The following SPIRE1 variants were observed in gnomAD, a reference collection of about 807,000 sequenced individuals.
The protein encoded by SPIRE1 is protein spire homolog 1.
Under a neutral mutation model 94.1 loss-of-function variants are expected in SPIRE1, and 40 were observed. The ratio of observed to expected loss-of-function variants is 0.43; its 90% CI spans 0.33 to 0.55. The LOEUF (loss-of-function observed/expected upper bound fraction) is 0.55, where lower values mean the gene tolerates loss of function less well. SPIRE1 is among the 20% of genes least tolerant of loss of function. The probability of loss-of-function intolerance (pLI) is 0.06; values close to 1 mark genes in which losing one functional copy is unlikely to be tolerated. For missense variants in SPIRE1, 838 were observed against 975.2 expected (o/e 0.86, Z 1.87); for synonymous variants, 376 against 371.7 (o/e 1.01, Z -0.13).
intron 8 of SPIRE1, among the ~76,000 whole-genome samples, chr18:12,491,028 C>T (rs2033215007): frequency 2.6e-5 from 4 of 151,930 alleles, no homozygotes; most frequent in Admixed American, 2.6e-4. Flanking sequence ...ATAGAAAACT[C>T]CATAAAAATT....
At chr18:12,461,888 C>T (rs1204939081) in intron 12 of SPIRE1, among the ~76,000 whole-genome samples, 1 of 152,208 alleles carries the variant, frequency 6.6e-6, no homozygotes, top group Non-Finnish European at 1.5e-5. Flanking sequence ...CTCCTTTGGC[C>T]TCCCAAAGTG....
intron 4 of SPIRE1, among the ~76,000 whole-genome samples, chr18:12,533,447 A>C (rs763493106): frequency 6.6e-6 from 1 of 152,268 alleles, no homozygotes; most frequent in African/African-American, 2.4e-5. Flanking sequence ...ATGTGCTGAC[A>C]TAACAAGGTT....
At chr18:12,660,782 T>C (rs1360880150), upstream of SPIRE1, among the ~76,000 whole-genome samples, 1 of 152,134 alleles carries the variant, frequency 6.6e-6, no homozygotes, top group African/African-American at 2.4e-5. Context: ...AAGTAACAAT[T>C]CATGGTATGA....
At chr18:12,496,756 C>T (rs1018384913) in intron 6 of SPIRE1, among the ~76,000 whole-genome samples, 3 of 152,126 alleles carry the variant, frequency 2.0e-5, no homozygotes, top group African/African-American at 7.2e-5. Flanking sequence ...GTAGTCCCAG[C>T]TACTCAGGAG....
At chr18:12,473,339 CA>C (rs2032436753) in intron 10 of SPIRE1, among the ~76,000 whole-genome samples, 1 of 151,670 alleles carries the variant, frequency 6.6e-6, no homozygotes, top group Admixed American at 6.6e-5. Flanking sequence ...GAAACAAAAG[CA>C]AAAATATAAC....
intron 4 of SPIRE1, among the ~76,000 whole-genome samples, chr18:12,525,269 T>A (rs1465447182): frequency 2.2e-5 from 2 of 90,150 alleles, no homozygotes; most frequent in Non-Finnish European, 3.9e-5. Flanking sequence ...AGAGTGAGAC[T>A]CCGTCTCAAA....
At chr18:12,463,304 T>C in intron 12 of SPIRE1, 47 bp downstream of exon 12, 1 of 1,495,888 alleles carries the variant, frequency 6.7e-7, no homozygotes. Context: ...TGATTCTATG[T>C]CTTCTAGCTG....
chr18:12,512,486 T>C lies in SPIRE1; in HGVS notation c.775A>G (p.Thr259Ala), dbSNP rs1400455999. 1.9e-6 allele frequency: 3 copies of C among 1,613,026 alleles called. No individual in the cohort carries two copies. The highest frequency in any genetic ancestry group is 1.3e-5 in the African/African-American group (1 of 74,900). ...QEMEKSDESS[T>A]DLEELKNADW... is the part of the protein sequence containing the mutation. ...GCGTTTTTCAGCTCTTCCAAGTCTG[T>C]GCTAGATTCATCGCTCTTTTCCATT... The change falls in exon 5 of 17, where the codon ACA (threonine) becomes GCA (alanine). Residue 259 changes from threonine to alanine, a missense_variant. This residue lies in a region of SPIRE1 where 645 missense variants were observed against 804.7 expected (regional missense o/e 0.80). Transcript: ENST00000409402.
At chr18:12,569,167 T>C (rs557056072) in intron 2 of SPIRE1, among the ~76,000 whole-genome samples, 70 of 152,060 alleles carry the variant, frequency 4.6e-4, no homozygotes, top group East Asian at 1.9e-3. Context: ...GGTGAAACCC[T>C]GTCTCTACTA....
In SPIRE1 at chr18:12,546,754, C is replaced by T; in HGVS notation, c.523G>A (p.Glu175Lys). The T allele has an allele frequency of 2.5e-6, 4 of 1,614,190 alleles. No individual in the cohort carries two copies. The highest frequency in any genetic ancestry group is 2.2e-5 in the East Asian group (1 of 44,888). The change falls in exon 3 of 17, where the codon GAG (glutamate) becomes AAG (lysine). Residue 175 changes from glutamate to lysine, a missense_variant. Transcript: ENST00000409402. The stretch of plus-strand genomic sequence containing the variant: ...TCTCCCAGGCCTTCTTCTGCAGCCT[C>T]ATAGCCCTCATCATTGCTACCGTCA... ...EADGSNDEGY[E>K]AAEEGLGDED...
intron 2 of SPIRE1, among the ~76,000 whole-genome samples, chr18:12,581,625 A>G (rs950943407): frequency 6.6e-6 from 1 of 152,164 alleles, no homozygotes; most frequent in Non-Finnish European, 1.5e-5. Context: ...GCATTCTGGG[A>G]GGTCAAGGCG....
chr18:12,657,745 C>A lies in SPIRE1; in HGVS notation c.122G>T (p.Ser41Ile). ...GAAGGSRDAL[S>I]LEEILRLYNQ... ...GTACAGCCGCAGGATCTCCTCCAGG[C>A]TCAGCGCGTCCCGGGAGCCCCCGGC... Residue 41 changes from serine (S) to isoleucine (I), a missense_variant, in exon 1 of 17, where the codon AGC becomes ATC. Physicochemically the swap from Ser to Ile is moderately radical, Grantham distance 142. Coordinates refer to ENST00000409402, the MANE Select transcript of SPIRE1 (RefSeq NM_001128626.2). The A allele has an allele frequency of 7.3e-7, 1 of 1,372,810 alleles. No individual in the cohort carries two copies. The highest frequency in any genetic ancestry group is 9.5e-7 in the Non-Finnish European group (1 of 1,053,328). The allele number at this position is 1,372,810 out of a possible 1,614,324, so 85.0% of individuals were successfully genotyped here. A position where few individuals can be genotyped will look rare whatever the true frequency, so the allele number is the denominator to read the frequency against.
At chr18:12,543,312 T>C (rs2035062472) in intron 3 of SPIRE1, among the ~76,000 whole-genome samples, 1 of 152,202 alleles carries the variant, frequency 6.6e-6, no homozygotes, top group South Asian at 2.1e-4. Flanking sequence ...CAAAAAAAGA[T>C]CTCACTGTGT....
intron 4 of SPIRE1, among the ~76,000 whole-genome samples, chr18:12,533,054 A>G (rs2034731958): frequency 6.6e-6 from 1 of 152,236 alleles, no homozygotes; most frequent in Non-Finnish European, 1.5e-5. Context: ...GTGTTGTCAG[A>G]AGAGCCTGAG....
At chr18:12,601,251 C>G (rs999044610) in intron 2 of SPIRE1, among the ~76,000 whole-genome samples, 6 of 136,742 alleles carry the variant, frequency 4.4e-5, no homozygotes, top group African/African-American at 1.3e-4. Flanking sequence ...CCATCTCTAC[C>G]AAAAAAAAAA....
chr18:12,478,297 T>C (rs2143743612), intron 10 of SPIRE1, among the ~76,000 whole-genome samples: 1 of 151,294 alleles, frequency 6.6e-6, no homozygotes, highest in Admixed American at 6.6e-5. Context: ...GGTGTGAAGC[T>C]GGGGTGTGTA....
Position 12,496,067 on chromosome 18 carries a change from A to G in SPIRE1, c.1008T>C (p.Ser336=), listed in dbSNP as rs1305766901. Reference sequence around the variant, plus strand: ...TGAAGTCGAGGATGATTTCATGAGCACTCTTTTTTAACCGAGGGGGAATAT... The same window carrying G: ...TGAAGTCGAGGATGATTTCATGAGCGCTCTTTTTTAACCGAGGGGGAATAT... ...NGDIPPRLKK[S]AHEIILDFIR... The change falls in exon 7 of 17, where the codon AGT becomes AGC. Residue 336 remains serine (S), a synonymous_variant. Coordinates refer to ENST00000409402, the MANE Select transcript of SPIRE1 (RefSeq NM_001128626.2). 1.9e-6 allele frequency: 3 copies of G among 1,613,708 alleles called. No individual in the cohort carries two copies. The highest frequency in any genetic ancestry group is 2.2e-5 in the East Asian group (1 of 44,854).
At chr18:12,558,822 C>T (rs1341805718) in intron 2 of SPIRE1, among the ~76,000 whole-genome samples, 1 of 152,054 alleles carries the variant, frequency 6.6e-6, no homozygotes, top group Non-Finnish European at 1.5e-5. Context: ...AAAAGTTCTC[C>T]AAGTCCCCAC....
intron 3 of SPIRE1, 86 bp downstream of exon 3, chr18:12,546,588 G>A (rs2035176616): frequency 9.8e-7 from 1 of 1,022,442 alleles, no homozygotes; most frequent in South Asian, 1.4e-5. Context: ...GCGACAGAGT[G>A]AGACCATCTC....
Sources: allele counts gnomAD v4.1 joint callset (sites outside exome capture counted in the v4.1 genomes callset), GRCh38; gene constraint gnomAD v4.1.1; regional missense constraint gnomAD v4.1.1; transcripts MANE v1.5; gene names NCBI Gene and HGNC (gene_info 2026-07-23, HGNC 2026-07-21).